The following TMEM171 variants were observed in gnomAD, a reference collection of about 807,000 sequenced individuals.
TMEM171 encodes the protein proline-rich protein PRP2.
Under a neutral mutation model 19.1 loss-of-function variants are expected in TMEM171, and 16 were observed. The ratio of observed to expected loss-of-function variants is 0.84; its 90% CI spans 0.57 to 1.27. The LOEUF is 1.27. Ranked by LOEUF, TMEM171 falls within the 50% of genes most tolerant of loss-of-function variation. The pLI is 0.00. For synonymous variants in TMEM171, 153 were observed against 163.4 expected (o/e 0.94, Z 0.48); for missense variants, 429 against 412.7 (o/e 1.04, Z -0.34).
At chr5:73,122,267 C>T (rs1244664841) in intron 1 of TMEM171, among the ~76,000 whole-genome samples, 3 of 152,234 alleles carry the variant, frequency 2.0e-5, no homozygotes, top group East Asian at 3.9e-4. Context: ...GAGTGAGAGG[C>T]CACACCAGCC....
At chr5:73,127,384 A>AAATATAT in intron 2 of TMEM171, among the ~76,000 whole-genome samples, 3 of 81,680 alleles carry the variant, frequency 3.7e-5, no homozygotes, top group South Asian at 4.4e-4. Context: ...AAAAAAAAAA[A>AAATATAT]ATATATATAT....
intron 3 of TMEM171, 146 bp downstream of exon 3, chr5:73,128,677 C>A: frequency 1.0e-6 from 1 of 963,322 alleles, no homozygotes; most frequent in South Asian, 1.8e-5. Context: ...ATTAACAGTA[C>A]CTTTGCCGAA....
rs1413553803 is a variant in TMEM171, at chr5:73,120,623, C to T, written c.-142C>T. On this transcript the variant is annotated 5_prime_UTR_variant, in exon 1 of 4. Coordinates refer to ENST00000454765, the MANE Select transcript of TMEM171 (RefSeq NM_173490.8). ...AGGGCGGCCGGCGCAGCCGAGGCCG[C>T]GTGCGGAGGCGGACGCCGCGCCCAG... 1 of 984,726 alleles carries T rather than the reference C, an allele frequency of 1.0e-6. No homozygotes were observed. The highest frequency in any genetic ancestry group is 1.1e-4 in the East Asian group (1 of 8,794). 61.0% of individuals were successfully genotyped at this position (984,726 alleles called of 1,614,324 possible).
At chr5:73,127,382 A>ACATATATATATATATAT (rs879892153) in intron 2 of TMEM171, among the ~76,000 whole-genome samples, 1 of 68,278 alleles carries the variant, frequency 1.5e-5, no homozygotes, top group African/African-American at 7.5e-5. Context: ...AAAAAAAAAA[A>ACATATATATATATATAT]AAATATATAT....
chr5:73,128,343 T>C (rs1388130601), intron 2 of TMEM171, 47 bp from the exon 3 acceptor site: 2 of 1,587,574 alleles, frequency 1.3e-6, no homozygotes, highest in Non-Finnish European at 1.7e-6. Context: ...CTAATTTGCT[T>C]CCATTTATTA....
chr5:73,127,645 G>A (rs1432436984), intron 2 of TMEM171, among the ~76,000 whole-genome samples: 9 of 150,928 alleles, frequency 6.0e-5, no homozygotes, highest in Admixed American at 2.0e-4. Context: ...GGGTTTCGCC[G>A]TGTTGGCCAG....
At chr5:73,125,356 G>T (rs977496420) in intron 2 of TMEM171, among the ~76,000 whole-genome samples, 43 of 152,144 alleles carry the variant, frequency 2.8e-4, no homozygotes, top group African/African-American at 9.4e-4. Context: ...ATCCAAGGGG[G>T]CAGATAACGT....
At chr5:73,126,167 C>T (rs1164656320) in intron 2 of TMEM171, among the ~76,000 whole-genome samples, 1 of 152,152 alleles carries the variant, frequency 6.6e-6, no homozygotes, top group East Asian at 1.9e-4. Context: ...GGAGCATATC[C>T]TTGTGTGTTT....
intron 3 of TMEM171, 117 bp downstream of exon 3, chr5:73,128,648 T>G: frequency 7.5e-7 from 1 of 1,332,968 alleles, no homozygotes; most frequent in Non-Finnish European, 1.0e-6. Context: ...TGATGTTATG[T>G]CAGAATTAGT....
chr5:73,131,177 C>T (rs764701380), intron 3 of TMEM171, among the ~76,000 whole-genome samples: 44 of 152,154 alleles, frequency 2.9e-4, no homozygotes, highest in Middle Eastern at 3.4e-3. Context: ...AAAAGTTTGT[C>T]TACCTTATGT....
chr5:73,120,725 C>T (rs1327165589), intron 1 of TMEM171, 29 bp downstream of exon 1: 5 of 983,532 alleles, frequency 5.1e-6, no homozygotes, highest in Middle Eastern at 5.2e-4. Flanking sequence ...CGCGCCTGCG[C>T]CGGCGGCGGC....
intron 1 of TMEM171, among the ~76,000 whole-genome samples, chr5:73,122,933 C>A (rs1379391878): frequency 6.6e-6 from 1 of 152,202 alleles, no homozygotes; most frequent in East Asian, 1.9e-4. Flanking sequence ...CATTTGCAAT[C>A]AGAAAGAATC....
At chr5:73,129,047 C>G (rs1426045475) in intron 3 of TMEM171, among the ~76,000 whole-genome samples, 2 of 152,164 alleles carry the variant, frequency 1.3e-5, no homozygotes, top group African/African-American at 2.4e-5. Flanking sequence ...GAGCCTGTTA[C>G]CGGCGGAGGG....
chr5:73,123,602 G>T lies in TMEM171; in HGVS notation c.229G>T (p.Ala77Ser). 1 of 1,614,206 alleles carries T rather than the reference G, an allele frequency of 6.2e-7. No homozygotes were observed. Among genetic ancestry groups the T allele is most frequent in the Non-Finnish European group, 8.5e-7 (1 of 1,180,032 alleles). The part of the protein sequence containing the change: ...AVVGLGAVIL[A>S]RSRAQLQLRA... Reference sequence around the variant, plus strand: ...GGTTGGGCTTGGGGCTGTGATCCTGGCCCGCTCCCGGGCGCAACTTCAGCT... The same window carrying T: ...GGTTGGGCTTGGGGCTGTGATCCTGTCCCGCTCCCGGGCGCAACTTCAGCT... Residue 77 changes from alanine to serine, a missense_variant, in exon 2 of 4, where the codon GCC becomes TCC. Physicochemically the swap from Ala to Ser is moderately conservative, Grantham distance 99. Transcript: ENST00000454765.
chr5:73,130,204 A>T (rs1175254444), intron 3 of TMEM171, among the ~76,000 whole-genome samples: 2 of 151,774 alleles, frequency 1.3e-5, no homozygotes, highest in Non-Finnish European at 2.9e-5. Flanking sequence ...ATGGAGATGG[A>T]GCTGCAGAGG....
intron 3 of TMEM171, 42 bp downstream of exon 3, chr5:73,128,573 G>C: frequency 1.9e-6 from 3 of 1,610,132 alleles, no homozygotes; most frequent in South Asian, 2.2e-5. Context: ...CCTGAATTCA[G>C]GCCACACTAG....
intron 1 of TMEM171, among the ~76,000 whole-genome samples, chr5:73,122,254 G>A (rs1233215663): frequency 1.3e-5 from 2 of 152,126 alleles, no homozygotes; most frequent in Non-Finnish European, 2.9e-5. Context: ...CATGGAGGAG[G>A]GTGAGTGAGA....
At chr5:73,127,659 G>C (rs1397537982) in intron 2 of TMEM171, among the ~76,000 whole-genome samples, 1 of 151,130 alleles carries the variant, frequency 6.6e-6, no homozygotes, top group Non-Finnish European at 1.5e-5. Context: ...TGGCCAGGCT[G>C]GTCTTGAACT....
At position 73,127,384 on chromosome 5, in the gene TMEM171, A is replaced by AATATATATATATATATATATATAT. The variant is rs59879336; in HGVS notation, c.641-983_641-982insTATATATATATATATATATATATA. On this transcript the variant is annotated intron_variant, in intron 2 of 3. Coordinates refer to ENST00000454765, the MANE Select transcript of TMEM171 (RefSeq NM_173490.8). ...AAATTTGTGGTAAAAAAAAAAAAAA[A>AATATATATATATATATATATATAT]ATATATATATATATATATATATAAA... Among the ~76,000 whole-genome samples, 45 of 81,568 alleles carry AATATATATATATATATATATATAT rather than the reference A, an allele frequency of 5.5e-4. 1 individual carries two copies. The highest frequency in any genetic ancestry group is 1.8e-3 in the African/African-American group (28 of 15,202). 53.5% of individuals were successfully genotyped at this position (81,568 alleles called of 152,430 possible).
Sources: allele counts gnomAD v4.1 joint callset (sites outside exome capture counted in the v4.1 genomes callset), GRCh38; gene constraint gnomAD v4.1.1; transcripts MANE v1.5; gene names NCBI Gene and HGNC (gene_info 2026-07-23, HGNC 2026-07-21).